SWT1: variants seen among roughly 807,000 people sequenced by gnomAD.
SWT1 encodes the protein transcriptional protein SWT1.
A neutral mutation model predicts 107.3 loss-of-function variants in SWT1; 33 were observed. That is an observed-to-expected ratio of 0.31 (90% CI 0.23 to 0.41). SWT1 has a LOEUF of 0.41. Ranked by LOEUF, SWT1 falls within the 10% of genes least tolerant of loss-of-function variation. The pLI is 1.00. For missense variants in SWT1, 898 were observed against 1,028.9 expected (o/e 0.87, Z 1.74); for synonymous variants, 345 against 348.3 (o/e 0.99, Z 0.11).
chr1:185,192,139 A>G (rs1210974443), intron 10 of SWT1, among the ~76,000 whole-genome samples: 1 of 152,230 alleles, frequency 6.6e-6, no homozygotes, highest in East Asian at 1.9e-4. Context: ...GCATCATTCT[A>G]AGTGCTTACA....
chr1:185,165,742 A>G (rs1018151346), intron 2 of SWT1, among the ~76,000 whole-genome samples: 2 of 152,168 alleles, frequency 1.3e-5, no homozygotes, highest in Non-Finnish European at 2.9e-5. Context: ...CACTCTCCTG[A>G]CATAATTTGC....
At chr1:185,182,083 G>T in intron 7 of SWT1, 26 bp downstream of exon 7, 1 of 1,582,940 alleles carries the variant, frequency 6.3e-7, no homozygotes, top group Non-Finnish European at 8.6e-7. Context: ...TGATGTGTAT[G>T]CTCCCCTATG....
intron 15 of SWT1, chr1:185,227,767 G>A: frequency 2.5e-6 from 1 of 395,752 alleles, no homozygotes; most frequent in Non-Finnish European, 4.8e-6. Context: ...TCTAGCGGGG[G>A]AGAAAGGCGA....
rs994483502 is a variant in SWT1 at position 185,249,310 on chromosome 1, C to T, written c.2441+17602C>T. ...CATTTCCCCTACAGTCACAGACCTG[C>T]CTAGGTTGAGGGGCCTGCCTGTTGA... On this transcript the variant is annotated intron_variant, in intron 16 of 18. Coordinates refer to ENST00000367500, the MANE Select transcript of SWT1 (RefSeq NM_017673.7). Among the ~76,000 whole-genome samples the T allele has an allele frequency of 2.0e-5, 3 of 151,962 alleles. No individual in the cohort carries two copies. The South Asian group carries it at 6.2e-4, about 32-fold the overall frequency.
chr1:185,168,221 T>C, intron 3 of SWT1, 119 bp from the exon 4 acceptor site: 2 of 572,826 alleles, frequency 3.5e-6, no homozygotes, highest in Non-Finnish European at 5.4e-6. Flanking sequence ...AATATCCATC[T>C]CACCGGATTA....
intron 16 of SWT1, among the ~76,000 whole-genome samples, chr1:185,267,235 T>G (rs1209526339): frequency 6.6e-6 from 1 of 152,236 alleles, no homozygotes; most frequent in East Asian, 1.9e-4. Flanking sequence ...CTAAACACTG[T>G]AGATGCATTA....
Position 185,202,753 on chromosome 1 carries a change from A to G in SWT1, c.1623A>G (p.Thr541=). Residue 541 remains threonine, a synonymous_variant, in exon 11 of 19, where the codon ACA becomes ACG. Transcript: ENST00000367500. ...SAELLHLSLN[T]DVCHQPCIPK... is the part of the protein sequence containing the mutation. Reference sequence around the variant, plus strand: ...AGTTATTACACTTATCTCTGAACACAGATGTGTGTCATCAGCCTTGTATTC... The same window carrying G: ...AGTTATTACACTTATCTCTGAACACGGATGTGTGTCATCAGCCTTGTATTC... The G allele has an allele frequency of 6.3e-7, 1 of 1,593,286 alleles. No homozygotes were observed. Among genetic ancestry groups the G allele is most frequent in the Non-Finnish European group, 8.6e-7 (1 of 1,169,338 alleles).
rs193207543 is a variant in SWT1, at chr1:185,291,520, T to C, written c.*717T>C. On this transcript the variant is annotated 3_prime_UTR_variant, in exon 19 of 19. Coordinates refer to ENST00000367500, the MANE Select transcript of SWT1 (RefSeq NM_017673.7). ...ATTTGGTGGCAGTGACTGATGTTTG[T>C]CTCTAGCTAAAACCAACTGTTTAGT... is the stretch of plus-strand genomic sequence containing the variant. 9.2e-5 allele frequency: 14 copies of C among 152,726 alleles called. No homozygotes were observed. The highest frequency in any genetic ancestry group is 3.3e-4 in the Admixed American group (5 of 15,296). 9.5% of individuals were successfully genotyped at this position (152,726 alleles called of 1,614,324 possible).
chr1:185,285,391 T>C (rs1664888637), intron 18 of SWT1, among the ~76,000 whole-genome samples: 1 of 152,224 alleles, frequency 6.6e-6, no homozygotes, highest in African/African-American at 2.4e-5. Flanking sequence ...GCCTTGTCCT[T>C]ATTAACCACA....
At chr1:185,280,631 C>G (rs1016687807) in intron 18 of SWT1, among the ~76,000 whole-genome samples, 2 of 152,150 alleles carry the variant, frequency 1.3e-5, no homozygotes, top group African/African-American at 2.4e-5. Context: ...AGCTCTACCC[C>G]CTATCCTCTC....
intron 5 of SWT1, among the ~76,000 whole-genome samples, chr1:185,177,785 A>G (rs1293394400): frequency 6.6e-6 from 1 of 152,112 alleles, no homozygotes; most frequent in Non-Finnish European, 1.5e-5. Flanking sequence ...ACCCCTCTCA[A>G]ATTGCAAACC....
chr1:185,172,068 G>A (rs1655121035), intron 4 of SWT1, among the ~76,000 whole-genome samples: 1 of 152,160 alleles, frequency 6.6e-6, no homozygotes, highest in African/African-American at 2.4e-5. Context: ...ACCTAATTAA[G>A]GGTAAAGACT....
At chr1:185,232,463 G>C (rs544076533) in intron 16 of SWT1, among the ~76,000 whole-genome samples, 1 of 152,224 alleles carries the variant, frequency 6.6e-6, no homozygotes, top group East Asian at 1.9e-4. Context: ...AGGCACTGGG[G>C]ACCAAAGAGA....
intron 5 of SWT1, 68 bp downstream of exon 5, chr1:185,175,181 TG>T: frequency 8.3e-7 from 1 of 1,199,438 alleles, no homozygotes; most frequent in Non-Finnish European, 1.1e-6. Flanking sequence ...AAGTTTTTTC[TG>T]TATTTCTATA....
intron 5 of SWT1, among the ~76,000 whole-genome samples, chr1:185,180,099 G>A (rs907932917): frequency 1.3e-5 from 2 of 152,106 alleles, no homozygotes; most frequent in Admixed American, 1.3e-4. Context: ...CGGGAGGATC[G>A]CTTGAGTCCA....
At chr1:185,160,656 C>T (rs1451144429) in intron 1 of SWT1, among the ~76,000 whole-genome samples, 177 bp from the exon 2 acceptor site, 3 of 151,986 alleles carry the variant, frequency 2.0e-5, no homozygotes, top group African/African-American at 7.3e-5. Flanking sequence ...GAGCTGAGAT[C>T]ATCCCACTGC....
In SWT1 at chr1:185,254,861, A is replaced by G. The variant is rs565983292; in HGVS notation, c.2442-16462A>G. ...TGCTCTTGCTTTTCTAGTTCTTTTA[A>G]TTGTGATGTTAGGGTGTCAGTTTTG... is the stretch of plus-strand genomic sequence containing the variant. On this transcript the variant is annotated intron_variant, in intron 16 of 18. Transcript: ENST00000367500. Among the ~76,000 whole-genome samples, 39 of 151,554 alleles carry G rather than the reference A, an allele frequency of 2.6e-4. No homozygotes were observed. In the East Asian group the frequency reaches 7.0e-3, roughly 27 times the overall value.
intron 18 of SWT1, among the ~76,000 whole-genome samples, chr1:185,277,225 C>G (rs1042513209): frequency 2.6e-5 from 4 of 152,252 alleles, no homozygotes; most frequent in African/African-American, 9.6e-5. Context: ...AGCAAGAGTA[C>G]AAACGACAAA....
chr1:185,235,455 CA>C (rs1386278149), intron 16 of SWT1, among the ~76,000 whole-genome samples: 1 of 152,120 alleles, frequency 6.6e-6, no homozygotes, highest in East Asian at 1.9e-4. Context: ...GAGCCAAAGA[CA>C]AAAACCACAT....
Sources: allele counts gnomAD v4.1 joint callset (sites outside exome capture counted in the v4.1 genomes callset), GRCh38; gene constraint gnomAD v4.1.1; transcripts MANE v1.5; gene names NCBI Gene and HGNC (gene_info 2026-07-23, HGNC 2026-07-21).